The following OTOF variants were observed in gnomAD, a reference collection of about 807,000 sequenced individuals.
The protein encoded by OTOF is fer-1-like family member 2.
A neutral mutation model predicts 236.8 loss-of-function variants in OTOF; 218 were observed. That is an observed-to-expected ratio of 0.92 (90% CI 0.82 to 1.03). The LOEUF (loss-of-function observed/expected upper bound fraction) is 1.03. Ranked by LOEUF, OTOF falls within the 50% of genes least tolerant of loss-of-function variation. The pLI is 0.00. For missense variants in OTOF, 2,590 were observed against 2,694.4 expected, an observed-to-expected ratio of 0.96 and a Z score of 0.86; for synonymous variants, 1,041 against 1,072.5, an observed-to-expected ratio of 0.97 and a Z score of 0.57.
intron 30 of OTOF, among the ~76,000 whole-genome samples, chr2:26,471,499 G>A (rs780543152): frequency 1.3e-5 from 2 of 152,186 alleles, no homozygotes; most frequent in African/African-American, 2.4e-5. Flanking sequence ...TAGGCCCAAA[G>A]CCAGGAGGAA....
intron 25 of OTOF, 98 bp from the exon 26 acceptor site, chr2:26,474,772 A>G: frequency 7.3e-7 from 1 of 1,375,654 alleles, no homozygotes; most frequent in Non-Finnish European, 1.0e-6. Context: ...GTTGTAAGGG[A>G]CAGGTGTGAT....
chr2:26,511,602 G>A (rs1340152081), intron 5 of OTOF, among the ~76,000 whole-genome samples: 4 of 152,336 alleles, frequency 2.6e-5, no homozygotes, highest in Middle Eastern at 3.4e-3. Context: ...GCAGTCCAGC[G>A]CTGGCCAGCT....
In OTOF at chr2:26,472,499, G is replaced by C. The variant is rs1048886045; in HGVS notation, c.3864+20C>G. ...GTTGCATGTTCCCAGCCAGCAGGGG[G>C]CTGACCCCACCCGCCTTACCGCGTC... On this transcript the variant is annotated intron_variant, in intron 30 of 46. Coordinates refer to ENST00000272371, the MANE Select transcript of OTOF (RefSeq NM_194248.3). The C allele has an allele frequency of 2.1e-5, 34 of 1,613,130 alleles. No individual in the cohort carries two copies. The highest frequency in any genetic ancestry group is 2.8e-5 in the Non-Finnish European group (33 of 1,179,946).
rs768638945 is a variant in OTOF at position 26,462,142 on chromosome 2, C to T, written c.5232G>A (p.Val1744=). Residue 1744 remains valine, a synonymous_variant, in exon 42 of 47, where the codon GTG becomes GTA. Coordinates refer to ENST00000272371, the MANE Select transcript of OTOF (RefSeq NM_194248.3). The surrounding 1 kb of genome is among the most constrained non-coding windows in gnomAD (Gnocchi z 4.7). ...LRVIIWNTDE[V]VLEDDDFFTG... ...TGAAGAAGTCGTCGTCCTCCAAGAC[C>T]ACCTCATCTGTGTTCCAGATGATGA... 2.5e-6 allele frequency: 4 copies of T among 1,614,076 alleles called. No individual in the cohort carries two copies. Among genetic ancestry groups the T allele is most frequent in the Non-Finnish European group, 2.5e-6 (3 of 1,180,018 alleles).
At chr2:26,500,207 G>GTTCCTGACC (rs1666083776) in intron 8 of OTOF, among the ~76,000 whole-genome samples, 1 of 152,240 alleles carries the variant, frequency 6.6e-6, no homozygotes, top group Admixed American at 6.5e-5. Context: ...CCTGGGACAA[G>GTTCCTGACC]TTCCTGACCT....
chr2:26,468,984 T>A (rs1222503057), intron 32 of OTOF, among the ~76,000 whole-genome samples: 6 of 151,970 alleles, frequency 3.9e-5, no homozygotes, highest in Admixed American at 3.9e-4. Flanking sequence ...CACACCAACA[T>A]GGCACATGCA....
At chr2:26,538,895 C>A (rs933750857) in intron 1 of OTOF, among the ~76,000 whole-genome samples, 5 of 151,134 alleles carry the variant, frequency 3.3e-5, no homozygotes, top group African/African-American at 4.9e-5. Context: ...CTCACTGCAA[C>A]CTCCGCCTCC....
chr2:26,473,422 A>T lies in OTOF; in HGVS notation c.3554T>A (p.Val1185Asp), dbSNP rs762447452. 7 of 1,613,460 alleles carry T rather than the reference A, an allele frequency of 4.3e-6. No individual in the cohort carries two copies. In the Admixed American group the frequency reaches 1.2e-4, roughly 27 times the overall value. The change falls in exon 28 of 47, where the codon GTC (valine) becomes GAC (aspartate). Residue 1185 changes from valine (V) to aspartate (D), a missense_variant. Physicochemically the swap from Val to Asp is radical, Grantham distance 152 (BLOSUM62 -3). Coordinates refer to ENST00000272371, the MANE Select transcript of OTOF (RefSeq NM_194248.3). The surrounding 1 kb of genome is among the most constrained non-coding windows in gnomAD (Gnocchi z 7.2). ...TGCACTCACCACTTCAAACCACTTG[A>T]CGAGGGTGTTGAAGTTGGGGTTCTT... ...YKKNPNFNTLVKWFEVDLPEN... is the reference protein window; with the variant it reads ...YKKNPNFNTLDKWFEVDLPEN...
intron 2 of OTOF, among the ~76,000 whole-genome samples, chr2:26,528,632 G>A (rs906168927): frequency 1.3e-5 from 2 of 152,152 alleles, no homozygotes; most frequent in Admixed American, 1.3e-4. Flanking sequence ...CCTAGAAGTG[G>A]CAACAATGGC....
chr2:26,479,238 C>A, intron 18 of OTOF, 26 bp downstream of exon 18: 1 of 1,611,578 alleles, frequency 6.2e-7, no homozygotes, highest in Non-Finnish European at 8.5e-7. Flanking sequence ...GACCCCACCC[C>A]TGCTGGCCCC....
rs908148532 is a variant in OTOF at position 26,480,865 on chromosome 2, A to G, written c.1724T>C (p.Val575Ala). The change falls in exon 15 of 47, where the codon GTG becomes GCG. Residue 575 changes from valine (V) to alanine (A), a missense_variant. By Grantham distance (64) the Val-to-Ala change is moderately conservative. This residue lies in a region of OTOF where 1,379 missense variants were observed against 1,341.6 expected (regional missense o/e 1.03). Transcript: ENST00000272371. Reference protein sequence around the residue: ...FRARLLLGLAVEIVDTSNPEL... With the variant: ...FRARLLLGLAAEIVDTSNPEL... The stretch of plus-strand genomic sequence containing the variant: ...AGGGTTGGAGGTGTCTACGATCTCC[A>G]CAGCCAGGCCCAGCAGGAGCCGGGC... The G allele has an allele frequency of 5.0e-6, 8 of 1,612,764 alleles. No individual in the cohort carries two copies. The African/African-American group carries it at 1.1e-4, about 22-fold the overall frequency.
At chr2:26,483,024 T>C (rs1364004568) in intron 13 of OTOF, among the ~76,000 whole-genome samples, 4 of 149,144 alleles carry the variant, frequency 2.7e-5, no homozygotes, top group African/African-American at 2.5e-5. Flanking sequence ...TGGGTGTGTG[T>C]GCGTGTGTGA....
intron 2 of OTOF, among the ~76,000 whole-genome samples, chr2:26,528,704 C>A (rs886867112): frequency 2.6e-5 from 4 of 152,330 alleles, no homozygotes; most frequent in Non-Finnish European, 5.9e-5. Context: ...ATGGGCAGAG[C>A]CAGACATCTT....
chr2:26,512,738 G>T lies in OTOF; in HGVS notation c.509+3680C>A, dbSNP rs542335760. 2.0e-5 allele frequency among the ~76,000 whole-genome samples: 3 copies of T among 152,332 alleles called. No homozygotes were observed. The South Asian group carries it at 6.2e-4, about 32-fold the overall frequency. ...GCTTGGACAGCACCTGAACAAGAGGGTCAGGTGCTGCTCGGGGTAGAAGTT... is the reference window on the plus strand; with the variant it reads ...GCTTGGACAGCACCTGAACAAGAGGTTCAGGTGCTGCTCGGGGTAGAAGTT... On this transcript the variant is annotated intron_variant, in intron 5 of 46. Transcript: ENST00000272371.
intron 3 of OTOF, among the ~76,000 whole-genome samples, chr2:26,525,214 G>T (rs1666771788): frequency 6.6e-6 from 1 of 152,128 alleles, no homozygotes. Flanking sequence ...CCTCCCTGTG[G>T]CCCTGACAGC....
At chr2:26,517,150 T>G (rs958785059) in intron 4 of OTOF, among the ~76,000 whole-genome samples, 2 of 152,164 alleles carry the variant, frequency 1.3e-5, no homozygotes, top group African/African-American at 2.4e-5. Context: ...CCTAGGGTTT[T>G]CCTCTGGCAA....
At chr2:26,547,047 G>A (rs972099821) in intron 1 of OTOF, among the ~76,000 whole-genome samples, 1 of 152,180 alleles carries the variant, frequency 6.6e-6, no homozygotes, top group East Asian at 1.9e-4. Context: ...AACAGAAGTG[G>A]TGAGAGTAGA....
rs943099648 is a variant in OTOF at position 26,479,381 on chromosome 2, G to A, written c.2097C>T (p.Asn699=). The change falls in exon 18 of 47, where the codon AAC becomes AAT. Residue 699 remains asparagine (N), a synonymous_variant. Coordinates refer to ENST00000272371, the MANE Select transcript of OTOF (RefSeq NM_194248.3). The part of the protein sequence containing the change: ...PPMRPQVTDR[N]YFHLPYLERK... ...GCTCCAGGTAGGGCAGATGGAAGTA[G>A]TTCCTGGGGTGGGCAGAGGCGGGAG... 1.9e-6 allele frequency: 3 copies of A among 1,612,578 alleles called. No homozygotes were observed. The highest frequency in any genetic ancestry group is 2.7e-5 in the African/African-American group (2 of 74,930).
intron 12 of OTOF, among the ~76,000 whole-genome samples, 171 bp downstream of exon 12, chr2:26,484,303 A>C (rs1665646430): frequency 6.6e-6 from 1 of 152,322 alleles, no homozygotes; most frequent in East Asian, 1.9e-4. Context: ...GCCATCCTCC[A>C]TCACCCCCTG....
Sources: gnomAD v4.1 joint callset for allele counts (sites outside exome capture counted in the v4.1 genomes callset) on GRCh38, gnomAD v4.1.1 for gene constraint, gnomAD v4.1.1 regional missense constraint, Gnocchi (gnomAD v3.1) non-coding constraint, MANE v1.5 for transcripts, NCBI Gene and HGNC (gene_info 2026-07-23, HGNC 2026-07-21) for gene names.